Variants in KDM3B observed in about 807,000 individuals in gnomAD.
The protein encoded by KDM3B is lysine demethylase 3B.
A neutral mutation model predicts 170.0 loss-of-function variants in KDM3B; 10 were observed. The ratio of observed to expected loss-of-function variants is 0.06; its 90% confidence interval spans 0.04 to 0.10. The LOEUF is 0.10. Ranked by LOEUF, KDM3B falls within the 10% of genes least tolerant of loss-of-function variation. The probability of loss-of-function intolerance (pLI) is 1.00; values close to 1 mark genes in which losing one functional copy is unlikely to be tolerated. For missense variants in KDM3B, 1,394 were observed against 2,195.2 expected (o/e 0.64, Z 7.29); for synonymous variants, 831 against 834.8 (o/e 1.00, Z 0.08).
At chr5:138,383,720 C>T (rs999309938) in intron 6 of KDM3B, among the ~76,000 whole-genome samples, 1 of 152,096 alleles carries the variant, frequency 6.6e-6, no homozygotes, top group Non-Finnish European at 1.5e-5. Flanking sequence ...GAGGCCGAGG[C>T]AGGTGGATCA....
At chr5:138,384,067 G>A (rs531166676) in intron 6 of KDM3B, among the ~76,000 whole-genome samples, 3 of 149,420 alleles carry the variant, frequency 2.0e-5, no homozygotes, top group Non-Finnish European at 4.5e-5. Flanking sequence ...CCATGGTGAA[G>A]CCCCATCTCT....
chr5:138,385,286 T>G (rs1762229387), intron 6 of KDM3B, among the ~76,000 whole-genome samples: 1 of 152,136 alleles, frequency 6.6e-6, no homozygotes, highest in Non-Finnish European at 1.5e-5. Context: ...CCTCCCAAAG[T>G]GTTGGGATTA....
intron 11 of KDM3B, among the ~76,000 whole-genome samples, chr5:138,412,891 C>T (rs557663894): frequency 7.2e-5 from 11 of 152,206 alleles, no homozygotes; most frequent in Non-Finnish European, 1.6e-4. Context: ...GATTCTTCCA[C>T]ATTGGCCTCC....
chr5:138,358,611 T>G (rs1453179309), intron 1 of KDM3B, among the ~76,000 whole-genome samples: 1 of 151,644 alleles, frequency 6.6e-6, no homozygotes, highest in African/African-American at 2.4e-5. Context: ...CAGCCTTTTT[T>G]TTTTTGAGTG....
intron 11 of KDM3B, among the ~76,000 whole-genome samples, chr5:138,402,061 T>C (rs184077707): frequency 6.6e-6 from 1 of 152,180 alleles, no homozygotes; most frequent in African/African-American, 2.4e-5. Flanking sequence ...CCTGCATAGC[T>C]GGGACTGCAG....
At chr5:138,425,354 C>T (rs1184440832) in intron 16 of KDM3B, 57 bp from the exon 17 acceptor site, 18 of 1,556,240 alleles carry the variant, frequency 1.2e-5, no homozygotes, top group Admixed American at 5.4e-5. Flanking sequence ...CTGTCTCAGC[C>T]CTAGAGCTGG....
chr5:138,366,868 G>A (rs1388414174), intron 1 of KDM3B, among the ~76,000 whole-genome samples: 1 of 152,126 alleles, frequency 6.6e-6, no homozygotes, highest in African/African-American at 2.4e-5. Flanking sequence ...AACACTCCTG[G>A]CCAAACAACA....
At chr5:138,365,120 T>C (rs976655201) in intron 1 of KDM3B, among the ~76,000 whole-genome samples, 1 of 152,212 alleles carries the variant, frequency 6.6e-6, no homozygotes, top group African/African-American at 2.4e-5. Context: ...GTTTGGAGTA[T>C]AGGTAGGAAA....
chr5:138,414,221 A>G (rs1763045700), intron 11 of KDM3B, among the ~76,000 whole-genome samples: 1 of 152,122 alleles, frequency 6.6e-6, no homozygotes, highest in African/African-American at 2.4e-5. Context: ...GCTGGAGTGC[A>G]GTGGCGTGGT....
chr5:138,390,804 T>C (rs1762408134), intron 7 of KDM3B, among the ~76,000 whole-genome samples: 1 of 152,176 alleles, frequency 6.6e-6, no homozygotes, highest in South Asian at 2.1e-4. Flanking sequence ...TGGTTCACCT[T>C]GCTAAAGATG....
At chr5:138,434,176 A>C (rs1437250213) in intron 23 of KDM3B, among the ~76,000 whole-genome samples, 1 of 152,130 alleles carries the variant, frequency 6.6e-6, no homozygotes, top group African/African-American at 2.4e-5. Context: ...GGATTACTTG[A>C]GCCCAGGAGT....
chr5:138,431,854 G>A (rs1339518706), intron 23 of KDM3B, among the ~76,000 whole-genome samples: 2 of 151,850 alleles, frequency 1.3e-5, no homozygotes, highest in Admixed American at 6.6e-5. Flanking sequence ...GGAGGTTGCA[G>A]TGAGCTGAGA....
chr5:138,398,107 G>A (rs1350380706), intron 9 of KDM3B, 71 bp from the exon 10 acceptor site: 1 of 1,176,906 alleles, frequency 8.5e-7, no homozygotes, highest in African/African-American at 1.5e-5. Flanking sequence ...TTCTGTTTAG[G>A]TCCCAGGAGT....
chr5:138,435,171 T>C (rs756955596), intron 23 of KDM3B, among the ~76,000 whole-genome samples: 2 of 152,216 alleles, frequency 1.3e-5, no homozygotes, highest in African/African-American at 2.4e-5. Flanking sequence ...TGCTTTCCCC[T>C]CTTGTTTTAA....
At chr5:138,397,603 C>T (rs1311492923) in intron 9 of KDM3B, among the ~76,000 whole-genome samples, 1 of 152,018 alleles carries the variant, frequency 6.6e-6, no homozygotes, top group African/African-American at 2.4e-5. Flanking sequence ...TTTGGAAGAC[C>T]GAGGCAGGCG....
intron 10 of KDM3B, among the ~76,000 whole-genome samples, chr5:138,399,247 T>G (rs1762621078): frequency 1.3e-5 from 2 of 151,770 alleles, no homozygotes; most frequent in South Asian, 4.2e-4. Context: ...AGTTAAAAAT[T>G]TTTCAATTCC....
chr5:138,400,995 A>G (rs1341700042), intron 11 of KDM3B, among the ~76,000 whole-genome samples: 29 of 151,924 alleles, frequency 1.9e-4, no homozygotes, highest in Admixed American at 1.6e-3. Flanking sequence ...AGAATCAGCC[A>G]GGCGCCATGG....
Position 138,372,645 on chromosome 5 carries a change from A to C in KDM3B, c.193-29A>C, listed in dbSNP as rs200025544. The stretch of plus-strand genomic sequence containing the variant: ...ATAGTGTGAGATTTTTCCAAGTGTG[A>C]CTTCCAAACTGCTTTTTATCTCTTG... On this transcript the variant is annotated intron_variant, in intron 1 of 23. Transcript: ENST00000314358. The C allele has an allele frequency of 1.0e-4, 159 of 1,593,062 alleles. 1 individual carries two copies. Among genetic ancestry groups the C allele is most frequent in the Non-Finnish European group, 1.3e-4 (149 of 1,166,438 alleles).
intron 7 of KDM3B, among the ~76,000 whole-genome samples, chr5:138,389,421 T>C (rs1205332848): frequency 6.6e-6 from 1 of 152,200 alleles, no homozygotes; most frequent in Admixed American, 6.5e-5. Flanking sequence ...AATAGCCCTT[T>C]TGTTTATCGG....
Sources: allele counts gnomAD v4.1 joint callset (sites outside exome capture counted in the v4.1 genomes callset), GRCh38; gene constraint gnomAD v4.1.1; transcripts MANE v1.5; gene names NCBI Gene and HGNC (gene_info 2026-07-23, HGNC 2026-07-21).